Variants in CFAP20DC observed in about 807,000 individuals in gnomAD.
CFAP20DC encodes CFAP20 domain containing.
Under a neutral mutation model 101.7 loss-of-function variants are expected in CFAP20DC, and 84 were observed. The observed-to-expected ratio is 0.83, with a 90% CI of 0.69 to 0.99. The LOEUF is 0.99. CFAP20DC is among the 50% of genes least tolerant of loss of function. The pLI, the probability that CFAP20DC is intolerant of heterozygous loss-of-function variation, is 0.00. For missense variants in CFAP20DC, 1,007 were observed against 970.3 expected (o/e 1.04, Z -0.50); for synonymous variants, 359 against 351.2 (o/e 1.02, Z -0.25).
chr3:58,743,130 C>T (rs988815236), intron 16 of CFAP20DC, among the ~76,000 whole-genome samples: 3 of 152,030 alleles, frequency 2.0e-5, no homozygotes, highest in South Asian at 2.1e-4. Context: ...TTAGTGGTGG[C>T]GGGAAGTCTG....
intron 13 of CFAP20DC, among the ~76,000 whole-genome samples, chr3:58,844,975 A>C (rs2077488892): frequency 7.6e-6 from 1 of 131,370 alleles, no homozygotes; most frequent in Non-Finnish European, 1.6e-5. Flanking sequence ...GAGAACAAAG[A>C]CACAACATAC....
intron 15 of CFAP20DC, among the ~76,000 whole-genome samples, chr3:58,803,687 A>T (rs1197540254): frequency 6.6e-6 from 1 of 152,198 alleles, no homozygotes; most frequent in Non-Finnish European, 1.5e-5. Flanking sequence ...ATGAGCCAAG[A>T]GCCAAGTCAC....
At chr3:58,778,717 C>T (rs898473261) in intron 15 of CFAP20DC, among the ~76,000 whole-genome samples, 1 of 152,234 alleles carries the variant, frequency 6.6e-6, no homozygotes, top group African/African-American at 2.4e-5. Flanking sequence ...GGCCCAAATA[C>T]AGGCATGGTC....
chr3:59,048,072 A>G (rs755130521), intron 1 of CFAP20DC, among the ~76,000 whole-genome samples: 2 of 152,252 alleles, frequency 1.3e-5, no homozygotes, highest in Non-Finnish European at 2.9e-5. Context: ...ACATGGAAGG[A>G]CACACTTATG....
chr3:58,846,524 C>G (rs1455246461), intron 13 of CFAP20DC, among the ~76,000 whole-genome samples: 1 of 151,112 alleles, frequency 6.6e-6, no homozygotes, highest in Non-Finnish European at 1.5e-5. Flanking sequence ...AGGATACAAA[C>G]AAATGGAAGA....
At chr3:58,842,472 C>G (rs545895992) in intron 13 of CFAP20DC, among the ~76,000 whole-genome samples, 2 of 152,104 alleles carry the variant, frequency 1.3e-5, no homozygotes, top group Admixed American at 6.5e-5. Context: ...TAAAAAACGG[C>G]GCACCACGAG....
In CFAP20DC at chr3:58,884,659, G is replaced by A. The variant is rs2081474742; in HGVS notation, c.601C>T (p.Arg201Ter). The stretch of plus-strand genomic sequence containing the variant: ...ACATCTGTCATTAGTTGACAGCTTC[G>A]TGGTATAATATCTGTAGGCTCATCT... ...STDEPTDIIP[R>*]SCQLMTDVPH... The change falls in exon 7 of 17, where the codon CGA becomes TGA. Residue 201 changes from arginine to a stop codon, truncating the protein, a stop_gained. Coordinates refer to ENST00000482387, the MANE Select transcript of CFAP20DC (RefSeq NM_001394063.1). LOFTEE classifies it high-confidence loss of function. The A allele has an allele frequency of 1.2e-6, 2 of 1,613,602 alleles. No individual in the cohort carries two copies. Among genetic ancestry groups the A allele is most frequent in the Non-Finnish European group, 1.7e-6 (2 of 1,179,580 alleles).
At chr3:58,955,417 C>A (rs1371553074) in intron 4 of CFAP20DC, among the ~76,000 whole-genome samples, 1 of 152,100 alleles carries the variant, frequency 6.6e-6, no homozygotes, top group Admixed American at 6.6e-5. Context: ...GAGGAACAGC[C>A]AGCAATTGTG....
intron 5 of CFAP20DC, among the ~76,000 whole-genome samples, chr3:58,935,524 T>C (rs1483274490): frequency 2.0e-5 from 3 of 151,822 alleles, no homozygotes; most frequent in African/African-American, 4.9e-5. Context: ...CTTCAAACTA[T>C]ACTACAAGGC....
At chr3:58,740,277 C>A (rs1172414352), downstream of CFAP20DC, among the ~76,000 whole-genome samples, 1 of 152,158 alleles carries the variant, frequency 6.6e-6, no homozygotes, top group African/African-American at 2.4e-5. The surrounding 1 kb of genome is among the most constrained non-coding windows in gnomAD (Gnocchi z 4.6). Context: ...CTGTCTGACA[C>A]CCCTCCCCAT....
At chr3:59,047,129 C>T (rs999853539) in intron 2 of CFAP20DC, 36 bp downstream of exon 2, 29 of 1,314,060 alleles carry the variant, frequency 2.2e-5, no homozygotes, top group Non-Finnish European at 2.5e-5. Flanking sequence ...CACATTTCTT[C>T]CCCTGATTTA....
intron 5 of CFAP20DC, among the ~76,000 whole-genome samples, chr3:58,931,971 C>T (rs1273711253): frequency 6.6e-6 from 1 of 152,188 alleles, no homozygotes; most frequent in African/African-American, 2.4e-5. Flanking sequence ...GATCAAACTA[C>T]TCCGAGCTAC....
chr3:58,840,958 CT>C (rs1245572085), intron 13 of CFAP20DC, among the ~76,000 whole-genome samples: 2 of 152,246 alleles, frequency 1.3e-5, no homozygotes, highest in African/African-American at 4.8e-5. Context: ...AGCTGGTGCT[CT>C]GAGCCATGGT....
chr3:58,958,974 ATT>A (rs1304612870), intron 4 of CFAP20DC, among the ~76,000 whole-genome samples: 1 of 152,022 alleles, frequency 6.6e-6, no homozygotes, highest in Non-Finnish European at 1.5e-5. Context: ...CCAATTTATC[ATT>A]TTTTTCTTAT....
At chr3:58,873,465 G>C in intron 7 of CFAP20DC, among the ~76,000 whole-genome samples, 1 of 150,310 alleles carries the variant, frequency 6.7e-6, no homozygotes, top group Admixed American at 6.6e-5. Flanking sequence ...AGGTGCTCAA[G>C]CAGAAGTCTG....
At chr3:58,806,604 G>C (rs2074080395) in intron 14 of CFAP20DC, 148 bp from the exon 15 acceptor site, 5 of 669,558 alleles carry the variant, frequency 7.5e-6, no homozygotes, top group Middle Eastern at 4.9e-4. Context: ...CGGCCGAATA[G>C]GAACAGCTCC....
chr3:58,763,801 C>T (rs2069941311), intron 15 of CFAP20DC, among the ~76,000 whole-genome samples: 1 of 152,226 alleles, frequency 6.6e-6, no homozygotes, highest in Admixed American at 6.5e-5. Flanking sequence ...GCTGGAGGTG[C>T]ACTCCAGACC....
chr3:58,950,560 G>C (rs1336487872), intron 4 of CFAP20DC, among the ~76,000 whole-genome samples: 1 of 152,182 alleles, frequency 6.6e-6, no homozygotes, highest in Non-Finnish European at 1.5e-5. Flanking sequence ...TATCAAAACA[G>C]AGATATAGAC....
intron 3 of CFAP20DC, among the ~76,000 whole-genome samples, chr3:58,720,334 A>G (rs2067453951): frequency 6.6e-6 from 1 of 152,168 alleles, no homozygotes; most frequent in Non-Finnish European, 1.5e-5. Context: ...CTCATCTCTC[A>G]AGTGGCTATA....
Sources: allele counts gnomAD v4.1 joint callset (sites outside exome capture counted in the v4.1 genomes callset), GRCh38; gene constraint gnomAD v4.1.1; non-coding constraint Gnocchi (gnomAD v3.1); transcripts MANE v1.5; gene names NCBI Gene and HGNC (gene_info 2026-07-23, HGNC 2026-07-21).